The following HDHD5 variants were observed in gnomAD, a reference collection of about 807,000 sequenced individuals.
HDHD5 encodes haloacid dehalogenase like hydrolase domain containing 5.
In HDHD5, 34 loss-of-function variants were observed where a neutral mutation model predicts 35.5. The ratio of observed to expected loss-of-function variants is 0.96; its 90% CI spans 0.73 to 1.28. The LOEUF is 1.28. Among genes scored for constraint, HDHD5 ranks in the 50% most tolerant of loss-of-function variants. The pLI is 0.00. For synonymous variants in HDHD5, 248 were observed against 240.6 expected (o/e 1.03, Z -0.29); for missense variants, 589 against 560.2 (o/e 1.05, Z -0.52).
intron 2 of HDHD5, 117 bp downstream of exon 2, chr22:17,149,425 T>C (rs1186174142): frequency 3.3e-6 from 3 of 896,928 alleles, no homozygotes; most frequent in Non-Finnish European, 5.2e-6. Context: ...GCTGTGGCCA[T>C]GACCTAGGAC....
At chr22:17,151,724 T>C (rs5748910) in intron 1 of HDHD5, among the ~76,000 whole-genome samples, 118,788 of 134,308 alleles carry the variant, frequency 0.88, 52,409 homozygotes, top group African/African-American at 0.94. Flanking sequence ...AGCTAGACTC[T>C]ACTAAAAAAA....
chr22:17,141,635 C>A, intron 5 of HDHD5: 1 of 1,045,880 alleles, frequency 9.6e-7, no homozygotes, highest in Non-Finnish European at 1.2e-6. Flanking sequence ...AACCTAACAG[C>A]CAGGACAGGG....
rs962223350 is a variant in HDHD5 at position 17,149,460 on chromosome 22, G to A, written c.330+82C>T. On this transcript the variant is annotated intron_variant, in intron 2 of 7. Transcript: ENST00000336737. ...CTAGGTGATTCCATATCCCAACCCA[G>A]GGGAAAGGGACTTGGAGCTGGGGCA... 3.7e-6 allele frequency: 5 copies of A among 1,356,832 alleles called. No individual in the cohort carries two copies. The Admixed American group carries it at 5.5e-5, about 15-fold the overall frequency. The allele number at this position is 1,356,832 out of a possible 1,614,324, so 84.0% of individuals were successfully genotyped here.
intron 1 of HDHD5, among the ~76,000 whole-genome samples, chr22:17,153,996 T>C (rs540813152): frequency 5.7e-4 from 86 of 151,804 alleles, no homozygotes; most frequent in African/African-American, 1.9e-3. Flanking sequence ...GCTGGGACTA[T>C]AGGTGCGCAC....
chr22:17,163,487 G>A (rs1459941645), upstream of HDHD5, among the ~76,000 whole-genome samples: 3 of 152,132 alleles, frequency 2.0e-5, no homozygotes, highest in African/African-American at 4.8e-5. Context: ...CTGAGCAGAC[G>A]CTGGACCAGT....
At chr22:17,148,918 T>C (rs1478176397) in intron 2 of HDHD5, among the ~76,000 whole-genome samples, 2 of 152,206 alleles carry the variant, frequency 1.3e-5, no homozygotes, top group East Asian at 3.8e-4. Context: ...GGTCTTTTAC[T>C]TTCTATTTTC....
chr22:17,145,265 A>C, intron 3 of HDHD5, 148 bp from the exon 4 acceptor site: 2 of 1,379,004 alleles, frequency 1.5e-6, no homozygotes, highest in Non-Finnish European at 2.0e-6. Context: ...GATGGCACAA[A>C]TCCTGCAGGT....
rs773468883 is a variant in HDHD5 at position 17,143,111 on chromosome 22, G to A, written c.558C>T (p.Phe186=). ...LKTTPLPRND[F]PRIEGVLLLG... ...GACCTCTCTTACCTTCAATGCGGGG[G>A]AAGTCATTCCTCGGGAGGGGCTGCA... Residue 186 remains phenylalanine (F), a synonymous_variant, in exon 5 of 8, where the codon TTC becomes TTT. Transcript: ENST00000336737. 8 of 1,610,042 alleles carry A rather than the reference G, an allele frequency of 5.0e-6. No individual in the cohort carries two copies. Among genetic ancestry groups the A allele is most frequent in the South Asian group, 4.4e-5 (4 of 90,050 alleles).
chr22:17,148,586 G>T, intron 2 of HDHD5, 26 bp from the exon 3 acceptor site: 1 of 1,537,052 alleles, frequency 6.5e-7, no homozygotes, highest in Non-Finnish European at 9.0e-7. Context: ...AGACAGGGGA[G>T]GGCAGAGGAA....
chr22:17,147,340 C>T (rs1466269587), intron 3 of HDHD5, among the ~76,000 whole-genome samples: 1 of 106,010 alleles, frequency 9.4e-6, no homozygotes, highest in African/African-American at 4.1e-5. Flanking sequence ...CCATCGCACA[C>T]GCCCCACACC....
At chr22:17,149,789 A>T (rs1568946632) in intron 1 of HDHD5, 44 bp from the exon 2 acceptor site, 1 of 1,565,068 alleles carries the variant, frequency 6.4e-7, no homozygotes, top group Non-Finnish European at 8.8e-7. Flanking sequence ...AGTAACAAAG[A>T]AACAACCCTT....
chr22:17,138,430 G>T, intron 7 of HDHD5, 73 bp from the exon 8 acceptor site: 1 of 1,559,894 alleles, frequency 6.4e-7, no homozygotes, highest in Non-Finnish European at 8.7e-7. Context: ...AGCAAAGGGA[G>T]CAGAGAAGAG....
chr22:17,153,498 G>A (rs2061751734), intron 1 of HDHD5, among the ~76,000 whole-genome samples: 1 of 152,090 alleles, frequency 6.6e-6, no homozygotes, highest in South Asian at 2.1e-4. Flanking sequence ...GTACCCTCAA[G>A]GATCCCTGGA....
rs2061551321 is a variant in HDHD5 at position 17,137,896 on chromosome 22, T to G, written c.*125A>C. 1 of 704,540 alleles carries G rather than the reference T, an allele frequency of 1.4e-6. No homozygotes were observed. Among genetic ancestry groups the G allele is most frequent in the African/African-American group, 1.8e-5 (1 of 55,720 alleles). 43.6% of individuals were successfully genotyped at this position (704,540 alleles called of 1,614,324 possible). On this transcript the variant is annotated 3_prime_UTR_variant, in exon 8 of 8. Coordinates refer to ENST00000336737, the MANE Select transcript of HDHD5 (RefSeq NM_033070.3). ...CAAGTGACCAGTAATGCCACACTCATGGGGCAGCAAGAAGGGTGGCAAGGG... is the reference window on the plus strand; with the variant it reads ...CAAGTGACCAGTAATGCCACACTCAGGGGGCAGCAAGAAGGGTGGCAAGGG...
At chr22:17,158,946 G>T in intron 1 of HDHD5, 180 bp downstream of exon 1, 1 of 491,060 alleles carries the variant, frequency 2.0e-6, no homozygotes, top group Non-Finnish European at 3.0e-6. Flanking sequence ...CAGCGAGTCA[G>T]AGGAAGGCAG....
intron 5 of HDHD5, chr22:17,141,746 A>C: frequency 3.5e-6 from 1 of 283,834 alleles, no homozygotes. Flanking sequence ...CAGTTTCCTC[A>C]ACTGCAACTA....
chr22:17,160,644 G>A (rs1370986598), upstream of HDHD5, among the ~76,000 whole-genome samples: 5 of 120,846 alleles, frequency 4.1e-5, no homozygotes, highest in Non-Finnish European at 8.5e-5. Context: ...GTGAGACTCC[G>A]TCTTGAAAAA....
At chr22:17,162,225 C>G (rs2061867741), upstream of HDHD5, among the ~76,000 whole-genome samples, 1 of 152,214 alleles carries the variant, frequency 6.6e-6, no homozygotes, top group Admixed American at 6.5e-5. Context: ...ACCAAAACCT[C>G]ATGAACCACC....
At chr22:17,161,245 C>CAA (rs574657476), upstream of HDHD5, among the ~76,000 whole-genome samples, 3,498 of 105,262 alleles carry the variant, frequency 0.033, 187 homozygotes, top group African/African-American at 0.12. Context: ...GACTCTATCT[C>CAA]AAAAAAAAAA....
Sources: gnomAD v4.1 joint callset for allele counts (sites outside exome capture counted in the v4.1 genomes callset) on GRCh38, gnomAD v4.1.1 for gene constraint, MANE v1.5 for transcripts, NCBI Gene and HGNC (gene_info 2026-07-23, HGNC 2026-07-21) for gene names.